Variants in FAM200A observed in about 807,000 individuals in gnomAD.
The protein encoded by FAM200A is protein FAM200A.
In FAM200A, 26 loss-of-function variants were observed where a neutral mutation model predicts 44.2. The ratio of observed to expected loss-of-function variants is 0.59; its 90% CI spans 0.43 to 0.82. The LOEUF (loss-of-function observed/expected upper bound fraction) is 0.82, where lower values mean the gene tolerates loss of function less well. Among genes scored for constraint, FAM200A ranks in the 40% least tolerant of loss-of-function variants. The pLI, the probability that FAM200A is intolerant of heterozygous loss-of-function variation, is 0.00. For missense variants in FAM200A, 606 were observed against 669.5 expected, an observed-to-expected ratio of 0.91 and a Z score of 1.05; for synonymous variants, 206 against 244.4, an observed-to-expected ratio of 0.84 and a Z score of 1.47.
At chr7:99,552,574 T>A (rs1802561664), upstream of FAM200A, among the ~76,000 whole-genome samples, 1 of 152,192 alleles carries the variant, frequency 6.6e-6, no homozygotes, top group Non-Finnish European at 1.5e-5. Flanking sequence ...GTTATAAAAT[T>A]CTGAGTTTGC....
At position 99,552,098 on chromosome 7, in the gene FAM200A, C is replaced by A; in HGVS notation, c.-344G>T. Reference sequence around the variant, plus strand: ...CATCCAAGCCCCCTGGCCTTCAGAGCCCAGGGAAAGCGTCACAAAAGCCGG... The same window carrying A: ...CATCCAAGCCCCCTGGCCTTCAGAGACCAGGGAAAGCGTCACAAAAGCCGG... On this transcript the variant is annotated 5_prime_UTR_variant, in exon 1 of 2. Coordinates refer to ENST00000449309, the MANE Select transcript of FAM200A (RefSeq NM_145111.4). 5 of 985,484 alleles carry A rather than the reference C, an allele frequency of 5.1e-6. No individual in the cohort carries two copies. Among genetic ancestry groups the A allele is most frequent in the South Asian group, 4.7e-5 (1 of 21,290 alleles). 61.0% of individuals were successfully genotyped at this position (985,484 alleles called of 1,614,324 possible). A position where few individuals can be genotyped will look rare whatever the true frequency, so the allele number is the denominator to read the frequency against.
At chr7:99,551,223 A>T (rs1435966073) in intron 1 of FAM200A, among the ~76,000 whole-genome samples, 6 of 150,470 alleles carry the variant, frequency 4.0e-5, no homozygotes, top group Non-Finnish European at 7.4e-5. Context: ...ACAGAGTCTC[A>T]CTCTCTCTCT....
upstream of FAM200A, among the ~76,000 whole-genome samples, chr7:99,555,775 G>A (rs1459919120): frequency 3.3e-5 from 5 of 151,974 alleles, no homozygotes; most frequent in Admixed American, 6.6e-5. Flanking sequence ...GCATGGTGGC[G>A]GGCGCCTGTA....
chr7:99,553,006 C>CAT (rs1196644134), upstream of FAM200A, among the ~76,000 whole-genome samples: 1,800 of 137,350 alleles, frequency 0.013, 63 homozygotes, highest in African/African-American at 0.049. Flanking sequence ...TATACACACA[C>CAT]ATATATATAC....
chr7:99,554,799 C>T (rs1478647505), upstream of FAM200A, among the ~76,000 whole-genome samples: 4 of 152,194 alleles, frequency 2.6e-5, no homozygotes, highest in Non-Finnish European at 5.9e-5. Flanking sequence ...AAGATGCCAA[C>T]ATGCTGAACT....
chr7:99,553,070 CATATATATATATAT>C (rs1178743418), upstream of FAM200A, among the ~76,000 whole-genome samples: 4 of 74,044 alleles, frequency 5.4e-5, no homozygotes, highest in Admixed American at 1.9e-4. Flanking sequence ...TATACACACA[CATATATATATATAT>C]ATATATATAT....
chr7:99,547,999 C>G lies in FAM200A; in HGVS notation c.409G>C (p.Gly137Arg), dbSNP rs1313785153. ...TCGAGTTGGATTGCAAAGTCTATAC[C>G]GGACTGCAGCCGTGTAATAAGCATT... ...EAMLITRLQSGIDFAIQLDES... is the reference protein window; with the variant it reads ...EAMLITRLQSRIDFAIQLDES... The change falls in exon 2 of 2, where the codon GGT becomes CGT. Residue 137 changes from glycine (G) to arginine (R), a missense_variant. By Grantham distance (125) the Gly-to-Arg change is moderately radical. Coordinates refer to ENST00000449309, the MANE Select transcript of FAM200A (RefSeq NM_145111.4). 2.6e-6 allele frequency: 4 copies of G among 1,551,268 alleles called. No individual in the cohort carries two copies. The highest frequency in any genetic ancestry group is 3.5e-6 in the Non-Finnish European group (4 of 1,146,982).
chr7:99,547,197 T>C lies in FAM200A; in HGVS notation c.1211A>G (p.Gln404Arg), dbSNP rs1001399898. ...PSYYMFPTLL[Q>R]HIEENIINED... Reference sequence around the variant, plus strand: ...ATTAATAATGTTCTCTTCGATGTGTTGCAATAATGTTGGAAACATATAGTA... The same window carrying C: ...ATTAATAATGTTCTCTTCGATGTGTCGCAATAATGTTGGAAACATATAGTA... Residue 404 changes from glutamine to arginine, a missense_variant, in exon 2 of 2, where the codon CAA (glutamine) becomes CGA (arginine). Coordinates refer to ENST00000449309, the MANE Select transcript of FAM200A (RefSeq NM_145111.4). 4.5e-6 allele frequency: 7 copies of C among 1,549,326 alleles called. No individual in the cohort carries two copies. In the Admixed American group the frequency reaches 1.2e-4, roughly 26 times the overall value.
rs561576795 is a variant in FAM200A at position 99,548,512 on chromosome 7, G to A, written c.-99-6C>T. On this transcript the variant is annotated splice_polypyrimidine_tract_variant and splice_region_variant and intron_variant, in intron 1 of 1. Transcript: ENST00000449309. ...TGAGATCAGGTTTTGCTATCCTGCA[G>A]GGTAGAAAAACGTAACAGCAGTATT... The A allele has an allele frequency of 2.4e-5, 36 of 1,498,028 alleles. No individual in the cohort carries two copies. The South Asian group carries it at 4.3e-4, about 18-fold the overall frequency. The allele number at this position is 1,498,028 out of a possible 1,614,324, so 92.8% of individuals were successfully genotyped here. A position where few individuals can be genotyped will look rare whatever the true frequency, so the allele number is the denominator to read the frequency against.
chr7:99,551,087 GA>G (rs1355001628), intron 1 of FAM200A, among the ~76,000 whole-genome samples: 1 of 151,946 alleles, frequency 6.6e-6, no homozygotes, highest in East Asian at 1.9e-4. Flanking sequence ...ACCAACCAAA[GA>G]AACAAAAAGA....
chr7:99,549,266 G>A (rs934742747), intron 1 of FAM200A, among the ~76,000 whole-genome samples: 1 of 149,784 alleles, frequency 6.7e-6, no homozygotes, highest in African/African-American at 2.5e-5. Context: ...TATTCTGGAG[G>A]GAGAATGAGA....
Position 99,547,347 on chromosome 7 carries a change from A to C in FAM200A, c.1061T>G (p.Leu354Arg). The C allele has an allele frequency of 6.5e-7, 1 of 1,549,970 alleles. No individual in the cohort carries two copies. The highest frequency in any genetic ancestry group is 8.7e-7 in the Non-Finnish European group (1 of 1,146,240). Residue 354 changes from leucine to arginine, a missense_variant, in exon 2 of 2, where the codon CTT becomes CGT. Leu to Arg is a moderately radical substitution (Grantham distance 102). Coordinates refer to ENST00000449309, the MANE Select transcript of FAM200A (RefSeq NM_145111.4). ...LAYLSDIFGILNELSLKMQGK... is the reference protein window; with the variant it reads ...LAYLSDIFGIRNELSLKMQGK... ...CTGCATTTTCAGGCTTAATTCATTA[A>C]GAATGCCAAAAATATCACTTAAATA...
chr7:99,555,734 C>T (rs1191433631), upstream of FAM200A, among the ~76,000 whole-genome samples: 2 of 151,974 alleles, frequency 1.3e-5, no homozygotes, highest in South Asian at 2.1e-4. Context: ...CATGGTGAAA[C>T]CCCTCCACTA....
At chr7:99,548,560 G>C (rs1802446156) in intron 1 of FAM200A, 54 bp from the exon 2 acceptor site, 6 of 1,346,418 alleles carry the variant, frequency 4.5e-6, no homozygotes, top group Non-Finnish European at 5.0e-6. Context: ...GGTATTGCTG[G>C]GCTAACAACT....
At chr7:99,554,306 C>T (rs1419001060), upstream of FAM200A, among the ~76,000 whole-genome samples, 1 of 151,878 alleles carries the variant, frequency 6.6e-6, no homozygotes, top group African/African-American at 2.4e-5. Flanking sequence ...TGGTGAAACA[C>T]CGTCTCAACT....
Position 99,552,082 on chromosome 7 carries a change from C to A in FAM200A, c.-328G>T. ...AGGAGCACTAGACTCACATCCAAGC[C>A]CCCTGGCCTTCAGAGCCCAGGGAAA... On this transcript the variant is annotated 5_prime_UTR_variant, in exon 1 of 2. Transcript: ENST00000449309. The A allele has an allele frequency of 3.0e-6, 3 of 985,512 alleles. No homozygotes were observed. Among genetic ancestry groups the A allele is most frequent in the Non-Finnish European group, 2.4e-6 (2 of 829,964 alleles). The allele number at this position is 985,512 out of a possible 1,614,324, so 61.0% of individuals were successfully genotyped here.
chr7:99,553,280 G>C (rs921977637), upstream of FAM200A, among the ~76,000 whole-genome samples: 2 of 150,956 alleles, frequency 1.3e-5, no homozygotes, highest in African/African-American at 4.9e-5. Context: ...TCATTACATT[G>C]CTACACACTG....
chr7:99,555,573 T>C (rs1388821108), upstream of FAM200A, among the ~76,000 whole-genome samples: 1 of 152,224 alleles, frequency 6.6e-6, no homozygotes, highest in African/African-American at 2.4e-5. Context: ...AAGCTTGCAC[T>C]GTTGCTTGGA....
At chr7:99,551,173 A>G (rs1192196205) in intron 1 of FAM200A, among the ~76,000 whole-genome samples, 1 of 152,104 alleles carries the variant, frequency 6.6e-6, no homozygotes, top group Non-Finnish European at 1.5e-5. Context: ...TCACTTCTTT[A>G]TTCAGTAGGC....
Sources: gnomAD v4.1 joint callset for allele counts (sites outside exome capture counted in the v4.1 genomes callset) on GRCh38, gnomAD v4.1.1 for gene constraint, MANE v1.5 for transcripts, NCBI Gene and HGNC (gene_info 2026-07-23, HGNC 2026-07-21) for gene names.